The following EPHA6 variants were observed in gnomAD, a reference collection of about 807,000 sequenced individuals.
The protein encoded by EPHA6 is EPH receptor A6.
EPHA6 carries 50 observed loss-of-function variants against 112.0 expected under a neutral mutation model. That is an observed-to-expected ratio of 0.45 (90% CI 0.36 to 0.56). The LOEUF (loss-of-function observed/expected upper bound fraction) is 0.56, where lower values mean the gene tolerates loss of function less well. Ranked by LOEUF, EPHA6 falls within the 20% of genes least tolerant of loss-of-function variation. EPHA6 has a pLI of 0.00. For missense variants in EPHA6, 1,280 were observed against 1,417.4 expected (o/e 0.90, Z 1.56); for synonymous variants, 529 against 490.7 (o/e 1.08, Z -1.03).
At chr3:97,582,127 T>G (rs2093444258) in intron 11 of EPHA6, among the ~76,000 whole-genome samples, 1 of 152,098 alleles carries the variant, frequency 6.6e-6, no homozygotes. Flanking sequence ...CCTCCCAGGA[T>G]CAAGCAATTC....
At chr3:97,504,215 G>A (rs1331424828) in intron 10 of EPHA6, among the ~76,000 whole-genome samples, 1 of 152,164 alleles carries the variant, frequency 6.6e-6, no homozygotes, top group Non-Finnish European at 1.5e-5. Context: ...GTCTCTCATT[G>A]TGAAGTGTCA....
chr3:97,638,031 T>C lies in EPHA6; in HGVS notation c.2733T>C (p.Phe911=), dbSNP rs375484846. 5 of 1,613,946 alleles carry C rather than the reference T, an allele frequency of 3.1e-6. No homozygotes were observed. The highest frequency in any genetic ancestry group is 1.7e-4 in the Middle Eastern group (1 of 6,038). Residue 911 remains phenylalanine (F), a synonymous_variant, in exon 14 of 18, where the codon TTT becomes TTC. Coordinates refer to ENST00000389672, the MANE Select transcript of EPHA6 (RefSeq NM_001080448.3). ...NSNLVCKVSD[F]GLSRVLEDDP... Reference sequence around the variant, plus strand: ...ACTTAGTATGCAAAGTTTCTGATTTTGGTCTCTCCAGAGTGCTGGAAGATG... The same window carrying C: ...ACTTAGTATGCAAAGTTTCTGATTTCGGTCTCTCCAGAGTGCTGGAAGATG...
chr3:97,317,461 T>A (rs1287503664), intron 5 of EPHA6, among the ~76,000 whole-genome samples: 1 of 151,998 alleles, frequency 6.6e-6, no homozygotes, highest in African/African-American at 2.4e-5. Context: ...ATTGTTATCA[T>A]GGTAGTCATG....
chr3:97,003,318 G>T (rs1216205832), intron 3 of EPHA6, among the ~76,000 whole-genome samples: 1 of 152,080 alleles, frequency 6.6e-6, no homozygotes, highest in Admixed American at 6.6e-5. Context: ...ATATTGGCCA[G>T]GCTGGTCTCG....
intron 14 of EPHA6, among the ~76,000 whole-genome samples, chr3:97,671,287 T>A (rs115160411): frequency 0.02 from 2,977 of 152,244 alleles, 100 homozygotes; most frequent in African/African-American, 0.068. Context: ...CCTGCTCCTC[T>A]CTCTCTCTTA....
chr3:97,625,662 T>A (rs966681109), intron 13 of EPHA6, among the ~76,000 whole-genome samples: 6 of 151,760 alleles, frequency 4.0e-5, no homozygotes, highest in Non-Finnish European at 8.9e-5. Context: ...ATTCTGTCAA[T>A]TTTTGTTTCA....
chr3:97,466,949 C>T (rs1217369071), intron 7 of EPHA6, among the ~76,000 whole-genome samples: 2 of 151,916 alleles, frequency 1.3e-5, no homozygotes, highest in Non-Finnish European at 2.9e-5. Context: ...TTCTTCGAAT[C>T]ATTCCAGATT....
intron 11 of EPHA6, among the ~76,000 whole-genome samples, chr3:97,582,191 G>A (rs937609923): frequency 1.3e-5 from 2 of 151,878 alleles, no homozygotes; most frequent in African/African-American, 4.8e-5. Context: ...CACCACACCC[G>A]GATAATTTTG....
intron 5 of EPHA6, among the ~76,000 whole-genome samples, chr3:97,385,034 C>G (rs770718190): frequency 1.3e-5 from 2 of 152,142 alleles, no homozygotes; most frequent in Non-Finnish European, 2.9e-5. Context: ...AGCTACCAGA[C>G]TAAGTTGCTG....
intron 5 of EPHA6, among the ~76,000 whole-genome samples, chr3:97,268,966 T>G (rs1274855352): frequency 6.6e-6 from 1 of 152,236 alleles, no homozygotes; most frequent in Non-Finnish European, 1.5e-5. Context: ...AGTTTCTAAC[T>G]ATATGTTACT....
chr3:97,539,095 CCTTCCTTCCTTT>C (rs1207215128), intron 11 of EPHA6, among the ~76,000 whole-genome samples: 135 of 135,542 alleles, frequency 1.0e-3, no homozygotes, highest in African/African-American at 3.0e-3. Flanking sequence ...TTCCTTCCTT[CCTTCCTTCCTTT>C]CTTTCTTTCT....
chr3:97,713,908 T>A (rs1262010033), intron 14 of EPHA6, among the ~76,000 whole-genome samples: 1 of 152,168 alleles, frequency 6.6e-6, no homozygotes, highest in African/African-American at 2.4e-5. Context: ...TTGTCTCCAG[T>A]CTTGGAAGGG....
intron 14 of EPHA6, chr3:97,646,140 G>A (rs1275819549): frequency 6.5e-7 from 1 of 1,529,504 alleles, no homozygotes; most frequent in Admixed American, 2.0e-5. Context: ...TCACAACAAA[G>A]AGCAATCAGA....
At chr3:96,849,121 A>G (rs541717034) in intron 1 of EPHA6, among the ~76,000 whole-genome samples, 1 of 152,290 alleles carries the variant, frequency 6.6e-6, no homozygotes, top group Admixed American at 6.5e-5. Context: ...GCTTTAATTT[A>G]GAAATTGCTG....
chr3:97,381,530 CT>C (rs1559940880), intron 5 of EPHA6, among the ~76,000 whole-genome samples: 1 of 152,060 alleles, frequency 6.6e-6, no homozygotes, highest in African/African-American at 2.4e-5. Context: ...TTATACACCC[CT>C]ATTAGGTAAA....
chr3:97,686,663 C>G (rs185124857), intron 14 of EPHA6, among the ~76,000 whole-genome samples: 1 of 152,330 alleles, frequency 6.6e-6, no homozygotes, highest in African/African-American at 2.4e-5. Context: ...GGTATGTTTA[C>G]AGCTGACATG....
intron 2 of EPHA6, among the ~76,000 whole-genome samples, chr3:96,962,710 T>C (rs1354564029): frequency 6.6e-6 from 1 of 151,770 alleles, no homozygotes; most frequent in East Asian, 1.9e-4. Flanking sequence ...AGAACCAACA[T>C]TGACCTTGCC....
intron 6 of EPHA6, among the ~76,000 whole-genome samples, chr3:97,406,893 T>C (rs1431511690): frequency 6.6e-6 from 1 of 152,126 alleles, no homozygotes; most frequent in Non-Finnish European, 1.5e-5. Flanking sequence ...AGAAAGCATA[T>C]GTTTTCTGTT....
intron 14 of EPHA6, among the ~76,000 whole-genome samples, chr3:97,667,601 A>C (rs2107649745): frequency 6.6e-6 from 1 of 152,360 alleles, no homozygotes; most frequent in East Asian, 1.9e-4. Context: ...AAACTGTAGA[A>C]AAATAAATTA....
Sources: gnomAD v4.1 joint callset for allele counts (sites outside exome capture counted in the v4.1 genomes callset) on GRCh38, gnomAD v4.1.1 for gene constraint, MANE v1.5 for transcripts, NCBI Gene and HGNC (gene_info 2026-07-23, HGNC 2026-07-21) for gene names.